HDAC9: variants seen among roughly 807,000 people sequenced by gnomAD.
The protein encoded by HDAC9 is histone deacetylase 9.
HDAC9 carries 41 observed loss-of-function variants against 139.4 expected under a neutral mutation model. That is an observed-to-expected ratio of 0.29 (90% CI 0.23 to 0.38). The LOEUF is 0.38. Among genes scored for constraint, HDAC9 ranks in the 10% least tolerant of loss-of-function variants. The pLI is 1.00. For missense variants in HDAC9, 1,147 were observed against 1,297.0 expected (o/e 0.88, Z 1.78); for synonymous variants, 517 against 476.2 (o/e 1.09, Z -1.12).
At chr7:18,902,048 G>A (rs1801773227) in intron 22 of HDAC9, among the ~76,000 whole-genome samples, 1 of 152,166 alleles carries the variant, frequency 6.6e-6, no homozygotes, top group South Asian at 2.1e-4. Flanking sequence ...CAACTGCATT[G>A]TGCTATGCAA....
chr7:18,676,749 ATATTTT>A (rs1781538794), intron 12 of HDAC9, among the ~76,000 whole-genome samples: 1 of 151,842 alleles, frequency 6.6e-6, no homozygotes, highest in South Asian at 2.1e-4. Context: ...TAAAATGTAT[ATATTTT>A]ATGTCTTTAT....
chr7:18,217,520 C>T (rs1283699749), intron 2 of HDAC9, among the ~76,000 whole-genome samples: 1 of 151,894 alleles, frequency 6.6e-6, no homozygotes, highest in Non-Finnish European at 1.5e-5. Flanking sequence ...TTTCAAAGGA[C>T]CTTTTTGGGT....
At chr7:18,106,386 C>G (rs1783203699) in intron 1 of HDAC9, among the ~76,000 whole-genome samples, 2 of 152,250 alleles carry the variant, frequency 1.3e-5, no homozygotes, top group Non-Finnish European at 2.9e-5. Flanking sequence ...CTCCCTTGCA[C>G]TAGTCTGCTA....
intron 22 of HDAC9, among the ~76,000 whole-genome samples, chr7:18,929,353 A>T (rs182906165): frequency 1.3e-5 from 2 of 152,260 alleles, no homozygotes; most frequent in African/African-American, 2.4e-5. Flanking sequence ...GTTTCTACTA[A>T]ATTAATGGAA....
At chr7:18,869,565 A>G (rs559561798) in intron 21 of HDAC9, among the ~76,000 whole-genome samples, 2 of 152,096 alleles carry the variant, frequency 1.3e-5, no homozygotes, top group African/African-American at 4.8e-5. Context: ...GTATTTCTTC[A>G]TAGCAGTGCA....
chr7:18,322,123 G>A (rs1202162959), intron 1 of HDAC9, among the ~76,000 whole-genome samples: 6 of 152,086 alleles, frequency 3.9e-5, no homozygotes, highest in African/African-American at 1.2e-4. Flanking sequence ...TACATGTAAA[G>A]CCTGTATTAA....
At chr7:18,684,961 C>T (rs769819772) in intron 12 of HDAC9, among the ~76,000 whole-genome samples, 9 of 151,894 alleles carry the variant, frequency 5.9e-5, no homozygotes, top group Admixed American at 1.3e-4. Flanking sequence ...GTAACATGAT[C>T]CTCTCTATTC....
At chr7:18,205,105 G>A (rs1048516318) in intron 2 of HDAC9, among the ~76,000 whole-genome samples, 1 of 151,740 alleles carries the variant, frequency 6.6e-6, no homozygotes, top group African/African-American at 2.4e-5. Context: ...CATACATTTT[G>A]ATCCATTTTT....
intron 17 of HDAC9, among the ~76,000 whole-genome samples, chr7:18,818,542 A>T (rs1228068760): frequency 6.6e-6 from 1 of 152,208 alleles, no homozygotes; most frequent in Non-Finnish European, 1.5e-5. Context: ...CTGCAGCTAT[A>T]CCTTTACCAA....
chr7:18,956,412 A>C (rs1783150205), intron 24 of HDAC9, among the ~76,000 whole-genome samples: 2 of 152,158 alleles, frequency 1.3e-5, no homozygotes, highest in Non-Finnish European at 2.9e-5. Context: ...TCAGGAGGAC[A>C]GGAATCATAT....
intron 1 of HDAC9, among the ~76,000 whole-genome samples, chr7:18,446,278 T>C (rs1792283514): frequency 6.6e-6 from 1 of 152,264 alleles, no homozygotes; most frequent in African/African-American, 2.4e-5. Context: ...TCAGATATTA[T>C]ATTCATGGTT....
Position 18,160,347 on chromosome 7 carries a change from A to C in HDAC9, c.-96-1882A>C, listed in dbSNP as rs187134615. Among the ~76,000 whole-genome samples, 36 of 152,344 alleles carry C rather than the reference A, an allele frequency of 2.4e-4. No homozygotes were observed. In the East Asian group the frequency reaches 6.6e-3, roughly 28 times the overall value. Reference sequence around the variant, plus strand: ...AAAATGTTTCAGACTACAATGTAAAAAAGTAAGAATGACTAAATCTTGAAG... The same window carrying C: ...AAAATGTTTCAGACTACAATGTAAACAAGTAAGAATGACTAAATCTTGAAG... On this transcript the variant is annotated intron_variant, in intron 1 of 12. Transcript: ENST00000417496.
chr7:18,949,255 A>G, intron 23 of HDAC9: 1 of 196,408 alleles, frequency 5.1e-6, no homozygotes, highest in Non-Finnish European at 1.0e-5. Context: ...CGTCATCTTC[A>G]TTGTCATCAT....
rs1393113681 is a variant in HDAC9 at position 18,197,845 on chromosome 7, A to G, written c.25+35496A>G. Among the ~76,000 whole-genome samples the G allele has an allele frequency of 2.6e-5, 4 of 152,188 alleles. No individual in the cohort carries two copies. In the East Asian group the frequency reaches 7.7e-4, roughly 29 times the overall value. Reference sequence around the variant, plus strand: ...ACTTGAGACAAAGCCTTTTAAGGAAAACTGAACCAGGAATTAGGATTTATT... The same window carrying G: ...ACTTGAGACAAAGCCTTTTAAGGAAGACTGAACCAGGAATTAGGATTTATT... On this transcript the variant is annotated intron_variant, in intron 2 of 12. Coordinates refer to the HDAC9 transcript ENST00000417496.
At chr7:18,864,568 T>G (rs1798348390) in intron 21 of HDAC9, among the ~76,000 whole-genome samples, 2 of 151,714 alleles carry the variant, frequency 1.3e-5, no homozygotes, top group East Asian at 3.9e-4. Flanking sequence ...CCCTTAACAG[T>G]TGTTTAAGGG....
At chr7:18,786,498 C>CTTCA (rs1562940519) in intron 16 of HDAC9, among the ~76,000 whole-genome samples, 19 of 105,908 alleles carry the variant, frequency 1.8e-4, no homozygotes, top group Non-Finnish European at 3.1e-4. Context: ...TCCTTCCTTC[C>CTTCA]TTCCTTCCTC....
chr7:18,225,478 A>G (rs1353966898), intron 2 of HDAC9, among the ~76,000 whole-genome samples: 1 of 152,216 alleles, frequency 6.6e-6, no homozygotes, highest in Admixed American at 6.5e-5. Context: ...CTATTGACAT[A>G]TAATCCTTCA....
At chr7:18,514,766 C>G (rs1050060846) in intron 2 of HDAC9, among the ~76,000 whole-genome samples, 1 of 151,958 alleles carries the variant, frequency 6.6e-6, no homozygotes. Flanking sequence ...ATAGTGAGAC[C>G]CTGTCTCTAC....
At position 18,935,708 on chromosome 7, in the gene HDAC9, G is replaced by T. The variant is rs1781585146; in HGVS notation, c.2804-101G>T. On this transcript the variant is annotated intron_variant, in intron 22 of 25. Coordinates refer to ENST00000686413, the MANE Select transcript of HDAC9 (RefSeq NM_178425.4). ...TTGGATGAGTTAGCACACAGAAAAT[G>T]CTTAGTAATGACTTACTCAAAATAC... The T allele has an allele frequency of 3.0e-6, 3 of 1,013,652 alleles. No individual in the cohort carries two copies. The East Asian group carries it at 7.2e-5, about 24-fold the overall frequency. The allele number at this position is 1,013,652 out of a possible 1,614,324, so 62.8% of individuals were successfully genotyped here.
Sources: allele counts gnomAD v4.1 joint callset (sites outside exome capture counted in the v4.1 genomes callset), GRCh38; gene constraint gnomAD v4.1.1; transcripts MANE v1.5; gene names NCBI Gene and HGNC (gene_info 2026-07-23, HGNC 2026-07-21).